The following PINX1 variants were observed in gnomAD, a reference collection of about 807,000 sequenced individuals.
The protein encoded by PINX1 is PIN2/TERF1-interacting telomerase inhibitor 1.
In PINX1, 34 loss-of-function variants were observed where a neutral mutation model predicts 25.4. The observed-to-expected ratio is 1.34, with a 90% CI of 1.02 to 1.78. PINX1 has a LOEUF of 1.78. Among genes scored for constraint, PINX1 ranks in the 40% most tolerant of loss-of-function variants. The pLI is 0.00. For missense variants in PINX1, 592 were observed against 404.9 expected (o/e 1.46, Z -3.97); for synonymous variants, 197 against 147.7 (o/e 1.33, Z -2.42).
intron 6 of PINX1, among the ~76,000 whole-genome samples, chr8:10,804,245 C>T (rs980408886): frequency 3.9e-5 from 6 of 152,170 alleles, no homozygotes; most frequent in African/African-American, 1.4e-4. Flanking sequence ...CGGTGTTAGC[C>T]GCCGGGGGCA....
intron 6 of PINX1, among the ~76,000 whole-genome samples, chr8:10,811,603 C>T (rs762951785): frequency 3.3e-5 from 5 of 152,234 alleles, no homozygotes; most frequent in South Asian, 2.1e-4. Flanking sequence ...GGGTCTCTCA[C>T]GCGGATATTG....
chr8:10,812,041 T>G (rs1243688934), intron 6 of PINX1, among the ~76,000 whole-genome samples: 2 of 152,016 alleles, frequency 1.3e-5, no homozygotes, highest in Non-Finnish European at 2.9e-5. Context: ...GATAACTGAG[T>G]TTACAGATAA....
intron 6 of PINX1, among the ~76,000 whole-genome samples, chr8:10,774,101 C>G (rs913669831): frequency 6.6e-6 from 1 of 152,228 alleles, no homozygotes; most frequent in Non-Finnish European, 1.5e-5. Context: ...GCACTGGCCT[C>G]TCACAGAACA....
Position 10,765,137 on chromosome 8 carries a change from T to C in PINX1, c.*264A>G. On this transcript the variant is annotated 3_prime_UTR_variant, in exon 7 of 7. Transcript: ENST00000314787. Reference sequence around the variant, plus strand: ...ATGCATGTATTTGTAATGATTATAATTAAACTCTCTTGCTGAAGGGCTCAG... The same window carrying C: ...ATGCATGTATTTGTAATGATTATAACTAAACTCTCTTGCTGAAGGGCTCAG... 1 of 466,026 alleles carries C rather than the reference T, an allele frequency of 2.1e-6. No individual in the cohort carries two copies. Among genetic ancestry groups the C allele is most frequent in the South Asian group, 4.0e-5 (1 of 24,884 alleles). The allele number at this position is 466,026 out of a possible 1,614,324, so 28.9% of individuals were successfully genotyped here. A position where few individuals can be genotyped will look rare whatever the true frequency, so the allele number is the denominator to read the frequency against.
intron 4 of PINX1, among the ~76,000 whole-genome samples, chr8:10,831,398 ATATTT>A (rs1016083798): frequency 2.0e-5 from 3 of 152,202 alleles, no homozygotes; most frequent in African/African-American, 7.2e-5. Context: ...ATAATAAATA[ATATTT>A]TATTTTATAT....
intron 6 of PINX1, chr8:10,771,274 T>A (rs2129071092): frequency 6.6e-6 from 1 of 152,290 alleles, no homozygotes; most frequent in African/African-American, 2.4e-5. Flanking sequence ...TACTTTAAAC[T>A]CCTCCAACAG....
chr8:10,770,258 A>G (rs1315865056), intron 6 of PINX1, among the ~76,000 whole-genome samples: 1 of 152,216 alleles, frequency 6.6e-6, no homozygotes, highest in East Asian at 1.9e-4. Flanking sequence ...CAACAGGTCA[A>G]TTCAGGTGGT....
intron 6 of PINX1, among the ~76,000 whole-genome samples, chr8:10,774,284 CTTT>C: frequency 1.4e-5 from 2 of 144,488 alleles, no homozygotes; most frequent in South Asian, 2.2e-4. Flanking sequence ...AGAATAAGGT[CTTT>C]TTTTTTTTTT....
chr8:10,819,869 C>A (rs1166856705), intron 6 of PINX1, among the ~76,000 whole-genome samples: 1 of 152,108 alleles, frequency 6.6e-6, no homozygotes, highest in Non-Finnish European at 1.5e-5. Flanking sequence ...CTCCCCTTCT[C>A]GGCCATGGAA....
intron 6 of PINX1, chr8:10,787,454 C>G (rs907199298): frequency 2.9e-5 from 5 of 173,718 alleles, no homozygotes; most frequent in African/African-American, 1.2e-4. Flanking sequence ...GTCTCCAACT[C>G]CTGGGCTCAA....
chr8:10,836,669 T>G (rs572192764), intron 1 of PINX1, among the ~76,000 whole-genome samples: 1 of 150,250 alleles, frequency 6.7e-6, no homozygotes, highest in African/African-American at 2.5e-5. Flanking sequence ...CACACCAGTG[T>G]TTCCAAACAA....
In PINX1 at chr8:10,777,866, G is replaced by C. The variant is rs1302167318; in HGVS notation, c.472-11950C>G. Among the ~76,000 whole-genome samples the C allele has an allele frequency of 5.0e-4, 76 of 152,188 alleles. 2 individuals are homozygous for C. Among genetic ancestry groups the C allele is most frequent in the Admixed American group, 4.9e-3 (75 of 15,280 alleles). On this transcript the variant is annotated intron_variant, in intron 6 of 6. Coordinates refer to ENST00000314787, the MANE Select transcript of PINX1 (RefSeq NM_017884.6). ...TCTGCTATCAGATACTCCGTGGAAA[G>C]ACTGCGGGGTCCAGGTTGCAGAGCG...
At chr8:10,782,280 G>T (rs1202308601) in intron 6 of PINX1, among the ~76,000 whole-genome samples, 2 of 152,176 alleles carry the variant, frequency 1.3e-5, no homozygotes, top group East Asian at 3.9e-4. Context: ...TATGGTGTGG[G>T]GACTGTGGCT....
At chr8:10,795,674 G>T (rs1291340188) in intron 6 of PINX1, among the ~76,000 whole-genome samples, 1 of 152,148 alleles carries the variant, frequency 6.6e-6, no homozygotes, top group African/African-American at 2.4e-5. Flanking sequence ...TCTTTAACTT[G>T]TGACTTTATG....
intron 5 of PINX1, among the ~76,000 whole-genome samples, chr8:10,821,699 A>G (rs1212244112): frequency 6.6e-6 from 1 of 152,206 alleles, no homozygotes; most frequent in Non-Finnish European, 1.5e-5. Context: ...AGCACAACCC[A>G]TTTTCCAATG....
intron 6 of PINX1, among the ~76,000 whole-genome samples, chr8:10,775,410 G>GTTTTTTTTTTTTTTTTTTTTTTTTTTT (rs143926728): frequency 1.8e-5 from 2 of 109,616 alleles, no homozygotes; most frequent in African/African-American, 3.2e-5. Flanking sequence ...CTGTTTTGTG[G>GTTTTTTTTTTTTTTTTTTTTTTTTTTT]TTTTTTTTTT....
chr8:10,795,231 C>T lies in PINX1; in HGVS notation c.471+24962G>A, dbSNP rs764158465. 7.4e-4 allele frequency among the ~76,000 whole-genome samples: 113 copies of T among 152,230 alleles called. 1 individual carries two copies. Among genetic ancestry groups the T allele is most frequent in the Non-Finnish European group, 8.8e-4 (60 of 68,046 alleles). On this transcript the variant is annotated intron_variant, in intron 6 of 6. Transcript: ENST00000314787. ...GCTAAGGATTATCAAACCTCTGCCT[C>T]TGCCAAGTTCAGTTCATAGCAATGT...
At chr8:10,771,731 T>A (rs1377189836) in intron 6 of PINX1, among the ~76,000 whole-genome samples, 3 of 152,184 alleles carry the variant, frequency 2.0e-5, no homozygotes, top group Non-Finnish European at 4.4e-5. Flanking sequence ...ATCAGGCAGG[T>A]CTAATGTCCA....
At chr8:10,773,559 G>A (rs1472758539) in intron 6 of PINX1, among the ~76,000 whole-genome samples, 1 of 152,224 alleles carries the variant, frequency 6.6e-6, no homozygotes, top group Non-Finnish European at 1.5e-5. Flanking sequence ...AGAAGGGACA[G>A]AATAGCTTGG....
Sources: gnomAD v4.1 joint callset for allele counts (sites outside exome capture counted in the v4.1 genomes callset) on GRCh38, gnomAD v4.1.1 for gene constraint, MANE v1.5 for transcripts, NCBI Gene and HGNC (gene_info 2026-07-23, HGNC 2026-07-21) for gene names.